Variants in DOCK1 observed in about 807,000 individuals in gnomAD.
DOCK1 encodes dedicator of cytokinesis protein 1.
In DOCK1, 138 loss-of-function variants were observed where a neutral mutation model predicts 262.7. That is an observed-to-expected ratio of 0.53 (90% CI 0.46 to 0.61). The LOEUF is 0.61. Ranked by LOEUF, DOCK1 falls within the 20% of genes least tolerant of loss-of-function variation. The probability of loss-of-function intolerance (pLI) is 0.00; values close to 1 mark genes in which losing one functional copy is unlikely to be tolerated. For synonymous variants in DOCK1, 866 were observed against 867.4 expected (o/e 1.00, Z 0.03); for missense variants, 1,908 against 2,370.7 (o/e 0.80, Z 4.05).
chr10:127,291,387 C>T (rs2061340896), intron 29 of DOCK1, among the ~76,000 whole-genome samples: 1 of 152,186 alleles, frequency 6.6e-6, no homozygotes, highest in African/African-American at 2.4e-5. Context: ...ACAACCCCAC[C>T]CCCAGACAGA....
At chr10:127,404,197 C>A in intron 39 of DOCK1, 128 bp from the exon 40 acceptor site, 1 of 660,482 alleles carries the variant, frequency 1.5e-6, no homozygotes, top group Non-Finnish European at 2.6e-6. Context: ...CACCATCTCC[C>A]TCTCCCACCA....
At chr10:127,237,140 C>T (rs2059100068) in intron 27 of DOCK1, among the ~76,000 whole-genome samples, 1 of 152,098 alleles carries the variant, frequency 6.6e-6, no homozygotes, top group Non-Finnish European at 1.5e-5. Flanking sequence ...GGGCAGATCA[C>T]CTGAGGTCTG....
intron 29 of DOCK1, among the ~76,000 whole-genome samples, chr10:127,337,803 G>A (rs536209483): frequency 3.9e-5 from 6 of 152,234 alleles, no homozygotes; most frequent in African/African-American, 7.2e-5. Context: ...AGAGCTAGCC[G>A]ATAGGTTTCT....
chr10:127,139,743 C>G (rs1460316797), intron 27 of DOCK1, among the ~76,000 whole-genome samples: 1 of 152,156 alleles, frequency 6.6e-6, no homozygotes, highest in African/African-American at 2.4e-5. Context: ...AATTCTTTCA[C>G]TTCAAGGGGG....
intron 27 of DOCK1, among the ~76,000 whole-genome samples, chr10:127,158,106 C>T (rs558774104): frequency 6.6e-6 from 1 of 152,176 alleles, no homozygotes; most frequent in Non-Finnish European, 1.5e-5. Flanking sequence ...AATTGGGCTG[C>T]AGCATCTGAA....
At chr10:127,037,843 T>G in intron 19 of DOCK1, 27 bp downstream of exon 19, 4 of 1,482,328 alleles carry the variant, frequency 2.7e-6, no homozygotes, top group Non-Finnish European at 2.7e-6. Context: ...AGGGACTTTT[T>G]GGGTCTTTTT....
chr10:127,178,983 T>C (rs1010589084), intron 27 of DOCK1, among the ~76,000 whole-genome samples: 3 of 152,224 alleles, frequency 2.0e-5, no homozygotes, highest in Non-Finnish European at 4.4e-5. Flanking sequence ...TAACTGCCTT[T>C]GTTGTCCAGG....
At chr10:127,414,351 C>A (rs79105214) in intron 43 of DOCK1, among the ~76,000 whole-genome samples, 1,920 of 152,260 alleles carry the variant, frequency 0.013, 32 homozygotes, top group African/African-American at 0.044. Context: ...ACAGTACGAA[C>A]GAGGCAGTAG....
chr10:127,206,096 A>G (rs977953824), intron 27 of DOCK1, among the ~76,000 whole-genome samples: 5 of 149,498 alleles, frequency 3.3e-5, no homozygotes, highest in Non-Finnish European at 7.4e-5. Context: ...TTTTTAGAAC[A>G]TCATCTATTA....
chr10:127,407,999 T>C lies in DOCK1; in HGVS notation c.4123-1038T>C, dbSNP rs963781076. Reference sequence around the variant, plus strand: ...GCAGCAGCATTACACTAGGTACTCATTGGCCCCTTTCTGTGACCGAGTTCA... The same window carrying C: ...GCAGCAGCATTACACTAGGTACTCACTGGCCCCTTTCTGTGACCGAGTTCA... On this transcript the variant is annotated intron_variant, in intron 40 of 51. Coordinates refer to ENST00000623213, the MANE Select transcript of DOCK1 (RefSeq NM_001290223.2). 3.9e-5 allele frequency among the ~76,000 whole-genome samples: 6 copies of C among 152,024 alleles called. 1 individual carries two copies. The highest frequency in any genetic ancestry group is 9.7e-5 in the African/African-American group (4 of 41,372).
chr10:127,147,158 G>A (rs575805171), intron 27 of DOCK1, among the ~76,000 whole-genome samples: 6 of 152,156 alleles, frequency 3.9e-5, no homozygotes, highest in African/African-American at 1.4e-4. Flanking sequence ...GTCATTTGGG[G>A]AAGGAACTTG....
chr10:127,396,528 C>A (rs565809223), intron 38 of DOCK1, among the ~76,000 whole-genome samples: 1 of 152,292 alleles, frequency 6.6e-6, no homozygotes, highest in African/African-American at 2.4e-5. Flanking sequence ...ATGGTCTGCA[C>A]TTGCTGTTCC....
chr10:127,004,807 A>G (rs1400435727), intron 10 of DOCK1, among the ~76,000 whole-genome samples: 1 of 124,612 alleles, frequency 8.0e-6, no homozygotes, highest in Non-Finnish European at 1.6e-5. Context: ...AAAGTCTTGC[A>G]CAAGCCCCAC....
chr10:127,318,516 G>A lies in DOCK1; in HGVS notation c.3045-20490G>A, dbSNP rs539833158. ...GGCAGCAGCATGTGCAAGGATGGGG[G>A]CCCAGCACTGGGTTCATCCTACAAG... On this transcript the variant is annotated intron_variant, in intron 29 of 51. Coordinates refer to ENST00000623213, the MANE Select transcript of DOCK1 (RefSeq NM_001290223.2). 2.8e-3 allele frequency among the ~76,000 whole-genome samples: 433 copies of A among 152,282 alleles called. 5 individuals carry two copies. Among genetic ancestry groups the A allele is most frequent in the African/African-American group, 9.6e-3 (399 of 41,542 alleles).
At chr10:127,420,252 T>G (rs1020523231) in intron 46 of DOCK1, among the ~76,000 whole-genome samples, 2 of 152,194 alleles carry the variant, frequency 1.3e-5, no homozygotes, top group Admixed American at 1.3e-4. Flanking sequence ...ACTGTTCTAC[T>G]TATGCTCCTG....
At chr10:127,115,062 C>A (rs2049099353) in intron 25 of DOCK1, among the ~76,000 whole-genome samples, 2 of 152,134 alleles carry the variant, frequency 1.3e-5, no homozygotes, top group Admixed American at 6.6e-5. Context: ...GCCAGTCCAT[C>A]TTTTCTTATC....
intron 43 of DOCK1, among the ~76,000 whole-genome samples, chr10:127,413,680 G>A (rs1228512646): frequency 6.6e-6 from 1 of 152,202 alleles, no homozygotes; most frequent in Non-Finnish European, 1.5e-5. Context: ...AGGGCATGTT[G>A]ACATGAGAGA....
intron 24 of DOCK1, among the ~76,000 whole-genome samples, 188 bp downstream of exon 24, chr10:127,106,489 G>T (rs550725064): frequency 6.6e-6 from 1 of 152,138 alleles, no homozygotes; most frequent in Non-Finnish European, 1.5e-5. Context: ...TGTGGAAAAG[G>T]TATCACCAGT....
intron 29 of DOCK1, among the ~76,000 whole-genome samples, chr10:127,264,964 C>T (rs771586200): frequency 3.9e-5 from 6 of 152,164 alleles, no homozygotes; most frequent in East Asian, 1.9e-4. Context: ...CCACCACACC[C>T]GGCCATGATG....
Sources: gnomAD v4.1 joint callset for allele counts (sites outside exome capture counted in the v4.1 genomes callset) on GRCh38, gnomAD v4.1.1 for gene constraint, MANE v1.5 for transcripts, NCBI Gene and HGNC (gene_info 2026-07-23, HGNC 2026-07-21) for gene names.